The following GRM7 variants were observed in gnomAD, a reference collection of about 807,000 sequenced individuals.
GRM7 encodes the protein glutamate metabotropic receptor 7.
Under a neutral mutation model 84.5 loss-of-function variants are expected in GRM7, and 35 were observed. That is an observed-to-expected ratio of 0.41 (90% CI 0.32 to 0.55). GRM7 has a LOEUF of 0.55. Ranked by LOEUF, GRM7 falls within the 20% of genes least tolerant of loss-of-function variation. The probability of loss-of-function intolerance (pLI) is 0.19; values close to 1 mark genes in which losing one functional copy is unlikely to be tolerated. For missense variants in GRM7, 1,003 were observed against 1,194.6 expected, an observed-to-expected ratio of 0.84 and a Z score of 2.36; for synonymous variants, 487 against 455.1, an observed-to-expected ratio of 1.07 and a Z score of -0.89.
intron 8 of GRM7, among the ~76,000 whole-genome samples, chr3:7,628,825 C>G (rs1344820841): frequency 6.6e-6 from 1 of 152,188 alleles, no homozygotes; most frequent in East Asian, 1.9e-4. Flanking sequence ...GAACATAAGA[C>G]TGCTCACCTC....
chr3:7,482,764 C>A (rs1329456893), intron 7 of GRM7, among the ~76,000 whole-genome samples: 1 of 152,026 alleles, frequency 6.6e-6, no homozygotes, highest in East Asian at 1.9e-4. Context: ...GAATGAGCTG[C>A]CTTTACTAGG....
At chr3:7,736,282 T>C (rs929281020) in intron 9 of GRM7, among the ~76,000 whole-genome samples, 1 of 152,180 alleles carries the variant, frequency 6.6e-6, no homozygotes, top group African/African-American at 2.4e-5. Flanking sequence ...GTTAAATACA[T>C]GACAAATGTT....
At chr3:6,962,013 C>T (rs755767110) in intron 1 of GRM7, among the ~76,000 whole-genome samples, 78 of 152,206 alleles carry the variant, frequency 5.1e-4, no homozygotes, top group Non-Finnish European at 1.0e-3. Context: ...GTCCAAACTA[C>T]TTCAACTTCC....
chr3:7,617,420 G>C (rs1378860204), intron 8 of GRM7, among the ~76,000 whole-genome samples: 1 of 151,936 alleles, frequency 6.6e-6, no homozygotes, highest in African/African-American at 2.4e-5. Context: ...TTGCAGAAAA[G>C]GGAAACTACA....
At chr3:7,135,475 T>G (rs1196138322) in intron 1 of GRM7, among the ~76,000 whole-genome samples, 1 of 152,208 alleles carries the variant, frequency 6.6e-6, no homozygotes, top group African/African-American at 2.4e-5. Flanking sequence ...TTACAAGTTT[T>G]GTGGAAACTA....
At chr3:7,725,675 A>T (rs1702098369) in intron 9 of GRM7, among the ~76,000 whole-genome samples, 1 of 152,136 alleles carries the variant, frequency 6.6e-6, no homozygotes, top group Non-Finnish European at 1.5e-5. Flanking sequence ...AGGTGTTCCC[A>T]CCGGGGTTTC....
chr3:7,046,070 A>G (rs1696797367), intron 1 of GRM7, among the ~76,000 whole-genome samples: 1 of 152,110 alleles, frequency 6.6e-6, no homozygotes, highest in Non-Finnish European at 1.5e-5. Flanking sequence ...TCATTCTAAT[A>G]GGTGTGAGGT....
At chr3:7,134,672 C>T (rs562983135) in intron 1 of GRM7, among the ~76,000 whole-genome samples, 1 of 152,060 alleles carries the variant, frequency 6.6e-6, no homozygotes, top group African/African-American at 2.4e-5. Context: ...CCATGTCTCC[C>T]TAAACCGCAG....
intron 1 of GRM7, among the ~76,000 whole-genome samples, chr3:7,084,348 C>T (rs1698372836): frequency 6.6e-6 from 1 of 151,852 alleles, no homozygotes; most frequent in Non-Finnish European, 1.5e-5. Flanking sequence ...TAGGTAGGGC[C>T]CAGGAATCTG....
chr3:7,390,713 C>G (rs1694957182), intron 4 of GRM7, among the ~76,000 whole-genome samples: 1 of 151,930 alleles, frequency 6.6e-6, no homozygotes, highest in Non-Finnish European at 1.5e-5. Flanking sequence ...CTGTTTAGCT[C>G]TTTCTTAATA....
intron 7 of GRM7, among the ~76,000 whole-genome samples, chr3:7,572,254 C>T (rs1378879142): frequency 6.6e-6 from 1 of 152,184 alleles, no homozygotes; most frequent in African/African-American, 2.4e-5. Context: ...CTGAAATCAC[C>T]TGAGAAACTT....
At chr3:7,032,145 A>G (rs1696212187) in intron 1 of GRM7, among the ~76,000 whole-genome samples, 1 of 152,236 alleles carries the variant, frequency 6.6e-6, no homozygotes, top group East Asian at 1.9e-4. Context: ...AGCTTGTGGA[A>G]CAACATGCTC....
chr3:7,264,190 G>A (rs1698547697), intron 2 of GRM7, among the ~76,000 whole-genome samples: 1 of 152,168 alleles, frequency 6.6e-6, no homozygotes, highest in Non-Finnish European at 1.5e-5. Flanking sequence ...GTTCAGGCCA[G>A]ACTGGTCCCG....
At chr3:6,977,259 G>A (rs55933143) in intron 1 of GRM7, among the ~76,000 whole-genome samples, 3 of 152,054 alleles carry the variant, frequency 2.0e-5, no homozygotes, top group African/African-American at 7.2e-5. Context: ...AAAAACGAGA[G>A]TGCTTTCAGT....
At chr3:7,676,964 A>G (rs1700145187) in intron 8 of GRM7, among the ~76,000 whole-genome samples, 1 of 152,162 alleles carries the variant, frequency 6.6e-6, no homozygotes, top group Non-Finnish European at 1.5e-5. Context: ...GCATGACTGT[A>G]CTTATTAAAA....
intron 1 of GRM7, among the ~76,000 whole-genome samples, chr3:6,965,100 T>C (rs1232861025): frequency 1.3e-5 from 2 of 152,106 alleles, no homozygotes; most frequent in Non-Finnish European, 2.9e-5. Flanking sequence ...ATCATGCTGC[T>C]TCTCTGGTAC....
At chr3:7,367,463 A>G (rs1416354566) in intron 4 of GRM7, among the ~76,000 whole-genome samples, 1 of 152,000 alleles carries the variant, frequency 6.6e-6, no homozygotes, top group Non-Finnish European at 1.5e-5. Flanking sequence ...TAAACAAAAT[A>G]TAGTTAGAAT....
intron 1 of GRM7, among the ~76,000 whole-genome samples, chr3:6,864,438 G>A (rs1316215992): frequency 1.3e-5 from 2 of 152,236 alleles, no homozygotes; most frequent in East Asian, 1.9e-4. Flanking sequence ...CTATAAGCCT[G>A]CAAAATGAGT....
chr3:7,164,822 G>A (rs1283161375), intron 2 of GRM7, among the ~76,000 whole-genome samples: 1 of 152,200 alleles, frequency 6.6e-6, no homozygotes, highest in African/African-American at 2.4e-5. Context: ...TTCAGTTCTT[G>A]TAATGATAGA....
Sources: gnomAD v4.1 joint callset for allele counts (sites outside exome capture counted in the v4.1 genomes callset) on GRCh38, gnomAD v4.1.1 for gene constraint, MANE v1.5 for transcripts, NCBI Gene and HGNC (gene_info 2026-07-23, HGNC 2026-07-21) for gene names.